The following MED28 variants were observed in gnomAD, a reference collection of about 807,000 sequenced individuals.
MED28 encodes mediator of RNA polymerase II transcription subunit 28.
MED28 carries 26 observed loss-of-function variants against 21.3 expected under a neutral mutation model. That is an observed-to-expected ratio of 1.22 (90% confidence interval 0.89 to 1.69). The LOEUF (loss-of-function observed/expected upper bound fraction) is 1.69. Ranked by LOEUF, MED28 falls within the 40% of genes most tolerant of loss-of-function variation. The pLI is 0.00. For missense variants in MED28, 257 were observed against 215.4 expected, an observed-to-expected ratio of 1.19 and a Z score of -1.21; for synonymous variants, 110 against 87.6, an observed-to-expected ratio of 1.26 and a Z score of -1.43.
intron 1 of MED28, 111 bp from the exon 2 acceptor site, chr4:17,619,790 C>T: frequency 2.3e-6 from 2 of 872,634 alleles, no homozygotes; most frequent in South Asian, 1.5e-5. Flanking sequence ...TATGCAAACA[C>T]AGATGCTGCC....
intron 1 of MED28, among the ~76,000 whole-genome samples, chr4:17,617,376 A>C (rs1037293347): frequency 6.6e-6 from 1 of 152,164 alleles, no homozygotes; most frequent in Non-Finnish European, 1.5e-5. Context: ...CTGTCTGCTC[A>C]TTCTAGCTGC....
In MED28 at chr4:17,625,768, C is replaced by T. The variant is rs1714759323; in HGVS notation, c.*1970C>T. Reference sequence around the variant, plus strand: ...GTTCCCCTAGAAACCTGTGGAATGCCCTCTGCCAAGCACTGCTCTGGTACT... The same window carrying T: ...GTTCCCCTAGAAACCTGTGGAATGCTCTCTGCCAAGCACTGCTCTGGTACT... On this transcript the variant is annotated 3_prime_UTR_variant, in exon 4 of 4. Transcript: ENST00000237380. 2 of 416,166 alleles carry T rather than the reference C, an allele frequency of 4.8e-6. No homozygotes were observed. Among genetic ancestry groups the T allele is most frequent in the South Asian group, 3.5e-5 (2 of 57,652 alleles). The allele number at this position is 416,166 out of a possible 1,614,324, so 25.8% of individuals were successfully genotyped here.
At position 17,630,834 on chromosome 4, in the gene MED28, T is replaced by C. The variant is rs1577236582; in HGVS notation, c.*7036T>C. On this transcript the variant is annotated 3_prime_UTR_variant, in exon 4 of 4. Transcript: ENST00000237380. ...GTTAATGTGAACTGAACTTTCTATTTCTAAGCTGTCTTCATCTAATTTTAC... is the reference window on the plus strand; with the variant it reads ...GTTAATGTGAACTGAACTTTCTATTCCTAAGCTGTCTTCATCTAATTTTAC... 6.6e-6 allele frequency: 1 copy of C among 152,162 alleles called. No homozygotes were observed. Among genetic ancestry groups the C allele is most frequent in the South Asian group, 2.1e-4 (1 of 4,834 alleles). 9.4% of individuals were successfully genotyped at this position (152,162 alleles called of 1,614,324 possible).
chr4:17,618,009 TTTTC>T (rs1333906356), intron 1 of MED28, among the ~76,000 whole-genome samples: 9 of 103,226 alleles, frequency 8.7e-5, no homozygotes, highest in East Asian at 5.0e-4. Flanking sequence ...TTTTCTTTTC[TTTTC>T]TTTTTTTTTT....
rs1385154565 is a variant in MED28, at chr4:17,620,111, G to T, written c.226+144G>T. The T allele has an allele frequency of 3.9e-5, 28 of 710,762 alleles. No individual in the cohort carries two copies. The East Asian group carries it at 7.6e-4, about 19-fold the overall frequency. 44.0% of individuals were successfully genotyped at this position (710,762 alleles called of 1,614,324 possible). On this transcript the variant is annotated intron_variant, in intron 2 of 3. Coordinates refer to ENST00000237380, the MANE Select transcript of MED28 (RefSeq NM_025205.5). ...AAATGTGTGCACATAATCTCTATGA[G>T]CTGCTGATTTTTGGTTCAGTTTATT...
chr4:17,622,832 G>A (rs1487800297), intron 3 of MED28, among the ~76,000 whole-genome samples: 1 of 152,188 alleles, frequency 6.6e-6, no homozygotes, highest in South Asian at 2.1e-4. Context: ...CATCTCACAT[G>A]GTGGCAGACA....
chr4:17,630,382 A>ATAAG lies in MED28; in HGVS notation c.*6587_*6590dup, dbSNP rs1560160909. The ATAAG allele has an allele frequency of 6.6e-6, 1 of 152,156 alleles. No homozygotes were observed. Among genetic ancestry groups the ATAAG allele is most frequent in the Non-Finnish European group, 1.5e-5 (1 of 68,042 alleles). 9.4% of individuals were successfully genotyped at this position (152,156 alleles called of 1,614,324 possible). A position where few individuals can be genotyped will look rare whatever the true frequency, so the allele number is the denominator to read the frequency against. ...TGAGGGCTTCACCCTCATGAGTAGG[A>ATAAG]TAAGTACCCTTACAAAAGAGGCTCA... On this transcript the variant is annotated 3_prime_UTR_variant, in exon 4 of 4. Transcript: ENST00000237380.
chr4:17,620,664 T>C (rs1714598157), intron 2 of MED28, among the ~76,000 whole-genome samples: 1 of 150,826 alleles, frequency 6.6e-6, no homozygotes, highest in African/African-American at 2.4e-5. Context: ...TAAATTATGA[T>C]GCTGATTGCT....
At position 17,623,726 on chromosome 4, in the gene MED28, C is replaced by T. The variant is rs757137596; in HGVS notation, c.465C>T (p.Asp155=). 4 of 1,614,106 alleles carry T rather than the reference C, an allele frequency of 2.5e-6. No individual in the cohort carries two copies. Among genetic ancestry groups the T allele is most frequent in the Admixed American group, 1.7e-5 (1 of 59,998 alleles). Residue 155 remains aspartate (D), a synonymous_variant, in exon 4 of 4, where the codon GAC becomes GAT. Transcript: ENST00000237380. ...DINVQHKKPA[D]IPQGSLAYLE... is the part of the protein sequence containing the mutation. ...ACGTGCAGCACAAAAAGCCCGCCGACATCCCTCAGGGCTCCTTGGCCTACC... is the reference window on the plus strand; with the variant it reads ...ACGTGCAGCACAAAAAGCCCGCCGATATCCCTCAGGGCTCCTTGGCCTACC...
intron 3 of MED28, among the ~76,000 whole-genome samples, chr4:17,622,189 G>A (rs1428904034): frequency 1.3e-5 from 2 of 152,176 alleles, no homozygotes; most frequent in Non-Finnish European, 2.9e-5. Context: ...TTGCCACGAT[G>A]ACTTGGGAAG....
At position 17,629,250 on chromosome 4, in the gene MED28, A is replaced by G. The variant is rs1475749872; in HGVS notation, c.*5452A>G. 1 of 152,414 alleles carries G rather than the reference A, an allele frequency of 6.6e-6. No individual in the cohort carries two copies. The highest frequency in any genetic ancestry group is 1.5e-5 in the Non-Finnish European group (1 of 68,220). The allele number at this position is 152,414 out of a possible 1,614,324, so 9.4% of individuals were successfully genotyped here. On this transcript the variant is annotated 3_prime_UTR_variant, in exon 4 of 4. Transcript: ENST00000237380. Reference sequence around the variant, plus strand: ...TCCGTCTCAAAAACAAACACACAGTACTGCATCCTGGGGGTGGAGGTGAGG... The same window carrying G: ...TCCGTCTCAAAAACAAACACACAGTGCTGCATCCTGGGGGTGGAGGTGAGG...
chr4:17,624,208 T>C lies in MED28; in HGVS notation c.*410T>C, dbSNP rs1197460985. Reference sequence around the variant, plus strand: ...ATGGGAGTTTTAGTCGTAGGCCTTATGATAATTACCCCGCGGTGGTGTGTA... The same window carrying C: ...ATGGGAGTTTTAGTCGTAGGCCTTACGATAATTACCCCGCGGTGGTGTGTA... On this transcript the variant is annotated 3_prime_UTR_variant, in exon 4 of 4. Coordinates refer to ENST00000237380, the MANE Select transcript of MED28 (RefSeq NM_025205.5). 3 of 199,722 alleles carry C rather than the reference T, an allele frequency of 1.5e-5. No homozygotes were observed. Among genetic ancestry groups the C allele is most frequent in the Non-Finnish European group, 3.1e-5 (3 of 95,462 alleles). 12.4% of individuals were successfully genotyped at this position (199,722 alleles called of 1,614,324 possible).
chr4:17,633,632 C>T lies in MED28; in HGVS notation c.*9834C>T. The T allele has an allele frequency of 7.3e-7, 1 of 1,362,932 alleles. No individual in the cohort carries two copies. Among genetic ancestry groups the T allele is most frequent in the Non-Finnish European group, 9.6e-7 (1 of 1,043,644 alleles). 84.4% of individuals were successfully genotyped at this position (1,362,932 alleles called of 1,614,324 possible). ...CCAGGTGCTAGAAAGAATCCTACTT[C>T]CCCTCTTATCTACAGGGAAATAGAA... On this transcript the variant is annotated 3_prime_UTR_variant, in exon 4 of 4. Coordinates refer to ENST00000237380, the MANE Select transcript of MED28 (RefSeq NM_025205.5).
Position 17,628,977 on chromosome 4 carries a change from CTG to C in MED28, c.*5182_*5183del, listed in dbSNP as rs1366510602. 1.3e-5 allele frequency: 2 copies of C among 152,574 alleles called. No homozygotes were observed. The highest frequency in any genetic ancestry group is 2.9e-5 in the Non-Finnish European group (2 of 68,282). The allele number at this position is 152,574 out of a possible 1,614,324, so 9.5% of individuals were successfully genotyped here. ...GGATAGTGAGGAACTGATGAGGTGACTGTGAGTGCCCGGGGCCTCTGTCGTTA... is the reference window on the plus strand; with the variant it reads ...GGATAGTGAGGAACTGATGAGGTGACTGAGTGCCCGGGGCCTCTGTCGTTA... On this transcript the variant is annotated 3_prime_UTR_variant, in exon 4 of 4. Coordinates refer to ENST00000237380, the MANE Select transcript of MED28 (RefSeq NM_025205.5).
chr4:17,629,517 AT>A lies in MED28; in HGVS notation c.*5721del, dbSNP rs1714862845. ...GGTGAATCCATTTTTACCTACCCCA[AT>A]TACAAAACAGTTTGCTTTCATGTGG... On this transcript the variant is annotated 3_prime_UTR_variant, in exon 4 of 4. Transcript: ENST00000237380. The A allele has an allele frequency of 6.6e-6, 1 of 152,214 alleles. No individual in the cohort carries two copies. Among genetic ancestry groups the A allele is most frequent in the African/African-American group, 2.4e-5 (1 of 41,454 alleles). The allele number at this position is 152,214 out of a possible 1,614,324, so 9.4% of individuals were successfully genotyped here.
In MED28 at chr4:17,626,507, T is replaced by C. The variant is rs1172856126; in HGVS notation, c.*2709T>C. ...ACCCACCTGTGGTTCCAGGGTGTTC[T>C]TAAGAAGCCAAGGTTGTCTTGGGTG... is the stretch of plus-strand genomic sequence containing the variant. On this transcript the variant is annotated 3_prime_UTR_variant, in exon 4 of 4. Transcript: ENST00000237380. 1 of 152,214 alleles carries C rather than the reference T, an allele frequency of 6.6e-6. No individual in the cohort carries two copies. Among genetic ancestry groups the C allele is most frequent in the Non-Finnish European group, 1.5e-5 (1 of 68,036 alleles). The allele number at this position is 152,214 out of a possible 1,614,324, so 9.4% of individuals were successfully genotyped here. A position where few individuals can be genotyped will look rare whatever the true frequency, so the allele number is the denominator to read the frequency against.
intron 2 of MED28, 86 bp downstream of exon 2, chr4:17,620,053 T>A (rs890323830): frequency 2.5e-6 from 3 of 1,206,780 alleles, no homozygotes; most frequent in South Asian, 2.4e-5. Flanking sequence ...GTTTCAGTCC[T>A]GCTTTTATCC....
intron 1 of MED28, among the ~76,000 whole-genome samples, chr4:17,617,478 C>T (rs1714485225): frequency 6.6e-6 from 1 of 152,196 alleles, no homozygotes; most frequent in Non-Finnish European, 1.5e-5. Flanking sequence ...TCCATTTCCT[C>T]CATTCATAGG....
At position 17,633,379 on chromosome 4, in the gene MED28, A is replaced by G; in HGVS notation, c.*9581A>G. On this transcript the variant is annotated 3_prime_UTR_variant, in exon 4 of 4. Coordinates refer to ENST00000237380, the MANE Select transcript of MED28 (RefSeq NM_025205.5). ...TAGTCTCACGTCAGTCTGATGAGAT[A>G]GGTGCTGTATTATCTTAATTTTAAA... 9.0e-6 allele frequency: 2 copies of G among 222,356 alleles called. No homozygotes were observed. The highest frequency in any genetic ancestry group is 8.7e-6 in the Non-Finnish European group (1 of 115,208). 13.8% of individuals were successfully genotyped at this position (222,356 alleles called of 1,614,324 possible). A position where few individuals can be genotyped will look rare whatever the true frequency, so the allele number is the denominator to read the frequency against.
Sources: allele counts gnomAD v4.1 joint callset (sites outside exome capture counted in the v4.1 genomes callset), GRCh38; gene constraint gnomAD v4.1.1; transcripts MANE v1.5; gene names NCBI Gene and HGNC (gene_info 2026-07-23, HGNC 2026-07-21).